The following CDH18 variants were observed in gnomAD, a reference collection of about 807,000 sequenced individuals.
CDH18 encodes the protein cadherin 18, also known as cadherin-18.
A neutral mutation model predicts 67.9 loss-of-function variants in CDH18; 31 were observed. That is an observed-to-expected ratio of 0.46 (90% confidence interval 0.34 to 0.62). The LOEUF (loss-of-function observed/expected upper bound fraction) is 0.62. CDH18 is among the 20% of genes least tolerant of loss of function. The pLI, the probability that CDH18 is intolerant of heterozygous loss-of-function variation, is 0.01. For synonymous variants in CDH18, 362 were observed against 347.2 expected (o/e 1.04, Z -0.48); for missense variants, 890 against 975.5 (o/e 0.91, Z 1.17).
At chr5:19,875,395 TATAG>T (rs56837232) in intron 2 of CDH18, among the ~76,000 whole-genome samples, 77,093 of 147,558 alleles carry the variant, frequency 0.52, 20,712 homozygotes, top group South Asian at 0.67. Flanking sequence ...CTTCCATGGG[TATAG>T]ATAGATAGAT....
intron 4 of CDH18, among the ~76,000 whole-genome samples, chr5:19,725,907 T>TA (rs1163284156): frequency 1.3e-5 from 2 of 152,210 alleles, no homozygotes; most frequent in African/African-American, 4.8e-5. Context: ...AAAACTAGGC[T>TA]ATAAACTCCT....
At chr5:19,783,701 T>C (rs956625507) in intron 3 of CDH18, among the ~76,000 whole-genome samples, 1 of 152,202 alleles carries the variant, frequency 6.6e-6, no homozygotes, top group African/African-American at 2.4e-5. Flanking sequence ...TGGGGCTTGC[T>C]ATGAGGTGGA....
chr5:20,326,403 C>T (rs1363043644), intron 1 of CDH18, among the ~76,000 whole-genome samples: 3 of 152,084 alleles, frequency 2.0e-5, no homozygotes, highest in Non-Finnish European at 4.4e-5. Flanking sequence ...TTACCCAACT[C>T]TCTAACTACA....
intron 2 of CDH18, among the ~76,000 whole-genome samples, chr5:20,230,673 G>A (rs546268617): frequency 6.6e-6 from 1 of 151,802 alleles, no homozygotes; most frequent in South Asian, 2.1e-4. Context: ...ATTCTTTGTG[G>A]GGATATTATG....
chr5:19,691,943 C>G (rs1761944287), intron 5 of CDH18, among the ~76,000 whole-genome samples: 1 of 151,922 alleles, frequency 6.6e-6, no homozygotes, highest in African/African-American at 2.4e-5. Context: ...GCCAAAAGAA[C>G]AAAGCTGGAG....
intron 5 of CDH18, among the ~76,000 whole-genome samples, chr5:19,677,217 A>G (rs1445420430): frequency 6.6e-6 from 1 of 152,100 alleles, no homozygotes; most frequent in Non-Finnish European, 1.5e-5. Context: ...TTTCAGCAGA[A>G]ACCATACAAG....
chr5:20,214,331 C>G (rs1740589650), intron 2 of CDH18, among the ~76,000 whole-genome samples: 1 of 151,880 alleles, frequency 6.6e-6, no homozygotes, highest in Admixed American at 6.6e-5. Context: ...TTCTTCAGAG[C>G]TAGAAAAAAT....
chr5:20,073,452 T>C (rs983760077), intron 2 of CDH18, among the ~76,000 whole-genome samples: 5 of 152,030 alleles, frequency 3.3e-5, no homozygotes, highest in African/African-American at 1.2e-4. Context: ...TGAACCAGAA[T>C]TTTTTTCTGT....
At chr5:19,771,584 A>T (rs1049213606) in intron 3 of CDH18, among the ~76,000 whole-genome samples, 1 of 152,226 alleles carries the variant, frequency 6.6e-6, no homozygotes, top group Non-Finnish European at 1.5e-5. Context: ...AAACAGAGGC[A>T]CTCAGCTAAG....
intron 2 of CDH18, among the ~76,000 whole-genome samples, chr5:20,149,566 A>C (rs74357965): frequency 0.083 from 12,571 of 152,232 alleles, 618 homozygotes; most frequent in Non-Finnish European, 0.1. Flanking sequence ...GAAATAAAAA[A>C]CAAAGCAAGG....
chr5:19,702,217 C>A (rs1763364778), intron 5 of CDH18, among the ~76,000 whole-genome samples: 1 of 143,082 alleles, frequency 7.0e-6, no homozygotes, highest in Non-Finnish European at 1.5e-5. Flanking sequence ...GGTACAATCT[C>A]AGCTCACTGC....
intron 1 of CDH18, among the ~76,000 whole-genome samples, chr5:20,265,110 C>T (rs1265513368): frequency 1.3e-5 from 2 of 152,158 alleles, no homozygotes; most frequent in African/African-American, 2.4e-5. Flanking sequence ...ATCAGTTATT[C>T]ATATTAGATT....
intron 3 of CDH18, among the ~76,000 whole-genome samples, chr5:19,790,892 C>G (rs933776324): frequency 2.6e-5 from 4 of 152,064 alleles, no homozygotes; most frequent in African/African-American, 9.7e-5. Context: ...GCTGACAAGA[C>G]TCACTAACAG....
Position 19,986,422 on chromosome 5 carries a change from A to G in CDH18, c.-376+1664T>C, listed in dbSNP as rs149641099. ...CATTTCTGTTGCATGTATAATAGCCAATGCTCATTTTCTACCTCCCATTGT... is the reference window on the plus strand; with the variant it reads ...CATTTCTGTTGCATGTATAATAGCCGATGCTCATTTTCTACCTCCCATTGT... On this transcript the variant is annotated intron_variant, in intron 1 of 12. Coordinates refer to ENST00000382275, the MANE Select transcript of CDH18 (RefSeq NM_004934.5). Among the ~76,000 whole-genome samples the G allele has an allele frequency of 3.7e-4, 56 of 152,328 alleles. 1 individual carries two copies. In the East Asian group the frequency reaches 0.01, roughly 28 times the overall value.
intron 1 of CDH18, among the ~76,000 whole-genome samples, chr5:20,539,068 T>C (rs1203361946): frequency 6.6e-6 from 1 of 151,982 alleles, no homozygotes; most frequent in Non-Finnish European, 1.5e-5. Context: ...TTTGTATTTT[T>C]AGTAGAGACA....
intron 3 of CDH18, among the ~76,000 whole-genome samples, chr5:19,763,862 C>T (rs1772694964): frequency 6.6e-6 from 1 of 151,642 alleles, no homozygotes; most frequent in Non-Finnish European, 1.5e-5. Context: ...AAATATAGCA[C>T]ATGAGGCTGG....
intron 2 of CDH18, among the ~76,000 whole-genome samples, chr5:19,928,060 C>G (rs992073224): frequency 1.3e-5 from 2 of 152,126 alleles, no homozygotes; most frequent in South Asian, 2.1e-4. Flanking sequence ...AAAAACACAG[C>G]CTGCCAGGGC....
intron 8 of CDH18, among the ~76,000 whole-genome samples, chr5:19,548,602 C>T (rs1393996887): frequency 6.6e-6 from 1 of 151,812 alleles, no homozygotes; most frequent in Non-Finnish European, 1.5e-5. Flanking sequence ...ATTAAACACT[C>T]ATAACAGCTG....
At chr5:19,621,742 A>AGGCTGTACAACACT (rs1416547599) in intron 5 of CDH18, among the ~76,000 whole-genome samples, 1 of 152,196 alleles carries the variant, frequency 6.6e-6, no homozygotes, top group African/African-American at 2.4e-5. Flanking sequence ...TAAGTTCTAA[A>AGGCTGTACAACACT]GGCTGTACAA....
Sources: gnomAD v4.1 joint callset for allele counts (sites outside exome capture counted in the v4.1 genomes callset) on GRCh38, gnomAD v4.1.1 for gene constraint, MANE v1.5 for transcripts, NCBI Gene and HGNC (gene_info 2026-07-23, HGNC 2026-07-21) for gene names.